The following LSS variants were observed in gnomAD, a reference collection of about 807,000 sequenced individuals.
LSS encodes 2,3-epoxysqualene-lanosterol cyclase.
LSS carries 90 observed loss-of-function variants against 110.3 expected under a neutral mutation model. The ratio of observed to expected loss-of-function variants is 0.82; its 90% CI spans 0.69 to 0.97. The LOEUF is 0.97. LSS is among the 50% of genes least tolerant of loss of function. LSS has a pLI of 0.00. For missense variants in LSS, 927 were observed against 990.0 expected (o/e 0.94, Z 0.85); for synonymous variants, 433 against 400.0 (o/e 1.08, Z -0.98).
At chr21:46,217,067 C>T (rs1329661111) in intron 6 of LSS, among the ~76,000 whole-genome samples, 2 of 151,700 alleles carry the variant, frequency 1.3e-5, no homozygotes, top group Non-Finnish European at 2.9e-5. Flanking sequence ...ACCAACATGG[C>T]GAAACCCCAT....
chr21:46,227,397 A>C (rs1010225854), intron 3 of LSS, 155 bp downstream of exon 3: 31 of 858,488 alleles, frequency 3.6e-5, no homozygotes, highest in African/African-American at 1.4e-4. Flanking sequence ...GACCAATAGC[A>C]GGACGACTCT....
In LSS at chr21:46,211,734, A is replaced by G. The variant is rs538864978; in HGVS notation, c.1138-990T>C. Among the ~76,000 whole-genome samples the G allele has an allele frequency of 3.3e-4, 50 of 152,308 alleles. No individual in the cohort carries two copies. The South Asian group carries it at 1.0e-2, about 30-fold the overall frequency. On this transcript the variant is annotated intron_variant, in intron 11 of 21. Transcript: ENST00000397728. ...TGGGATCGAGCCTCAGGGCCTGGCC[A>G]GTTTACAAAAACTCAGGGAACATAA...
chr21:46,214,637 C>T (rs2080176277), intron 9 of LSS, among the ~76,000 whole-genome samples: 1 of 152,154 alleles, frequency 6.6e-6, no homozygotes, highest in African/African-American at 2.4e-5. Flanking sequence ...AGGAGGCGGC[C>T]ACGCACCAGC....
At chr21:46,222,136 G>T in intron 4 of LSS, 161 bp from the exon 5 acceptor site, 2 of 704,314 alleles carry the variant, frequency 2.8e-6, no homozygotes, top group African/African-American at 1.8e-5. Context: ...CCACTCTGCA[G>T]TACGAATTCA....
At chr21:46,223,906 C>G (rs1027155566) in intron 3 of LSS, among the ~76,000 whole-genome samples, 1 of 152,182 alleles carries the variant, frequency 6.6e-6, no homozygotes, top group Non-Finnish European at 1.5e-5. Flanking sequence ...ACAACACCCG[C>G]TACTTAGCAG....
chr21:46,228,410 T>C (rs1435049133), intron 2 of LSS, 24 bp downstream of exon 2: 3 of 1,598,644 alleles, frequency 1.9e-6, no homozygotes, highest in East Asian at 2.2e-5. Flanking sequence ...CCGAGCTCGC[T>C]GACGCTCCGC....
At position 46,196,261 on chromosome 21, in the gene LSS, G is replaced by A. The variant is rs2079909149; in HGVS notation, c.1677C>T (p.Thr559=). Residue 559 remains threonine (T), a synonymous_variant, in exon 18 of 22, where the codon ACC becomes ACT. Transcript: ENST00000397728. Reference sequence around the variant, plus strand: ...GACAGAACTCTAAGCCCTGCGTGAGGGTCTCCCTGGAACACGAGATTGGTC... The same window carrying A: ...GACAGAACTCTAAGCCCTGCGTGAGAGTCTCCCTGGAACACGAGATTGGTC... ...PEHRAAEIRE[T]LTQGLEFCRR... is the part of the protein sequence containing the mutation. 6.2e-7 allele frequency: 1 copy of A among 1,614,060 alleles called. No homozygotes were observed. The highest frequency in any genetic ancestry group is 8.5e-7 in the Non-Finnish European group (1 of 1,179,986).
chr21:46,192,713 CT>C (rs1569015141), intron 20 of LSS: 2 of 452,282 alleles, frequency 4.4e-6, no homozygotes, highest in Admixed American at 2.4e-5. Flanking sequence ...GTACGTATGT[CT>C]GTGTGTGGCA....
Position 46,206,486 on chromosome 21 carries a change from T to A in LSS, c.1564+186A>T, listed in dbSNP as rs1179450222. On this transcript the variant is annotated intron_variant, in intron 16 of 21. Transcript: ENST00000397728. ...TGCCCTCCTATCCACAACACAAGGA[T>A]CCTGCCACCCCGGGGGATGGAGGAG... Among the ~76,000 whole-genome samples, 4 of 152,242 alleles carry A rather than the reference T, an allele frequency of 2.6e-5. No individual in the cohort carries two copies. In the South Asian group the frequency reaches 8.3e-4, roughly 32 times the overall value.
At chr21:46,205,754 G>C in intron 17 of LSS, 82 bp downstream of exon 17, 1 of 1,095,950 alleles carries the variant, frequency 9.1e-7, no homozygotes. Flanking sequence ...TGGGCCACCA[G>C]GGCCGTGTCA....
chr21:46,196,406 C>T (rs1052400053), intron 17 of LSS, 139 bp from the exon 18 acceptor site: 6 of 687,018 alleles, frequency 8.7e-6, no homozygotes, highest in East Asian at 5.5e-5. Context: ...TTACACAGAC[C>T]GATGAGGGTT....
At position 46,209,353 on chromosome 21, in the gene LSS, AGCTGCCCC is replaced by A. The variant is rs1225079736; in HGVS notation, c.1266+193_1266+200del. Among the ~76,000 whole-genome samples, 3 of 151,040 alleles carry A rather than the reference AGCTGCCCC, an allele frequency of 2.0e-5. No individual in the cohort carries two copies. The highest frequency in any genetic ancestry group is 3.4e-3 in the Middle Eastern group (1 of 294). On this transcript the variant is annotated intron_variant, in intron 13 of 21. Transcript: ENST00000397728. The surrounding 1 kb of genome is among the most constrained non-coding windows in gnomAD (Gnocchi z 4.4). The stretch of plus-strand genomic sequence containing the variant: ...CCCCAGCACCCTGCAGGCCTCAGAG[AGCTGCCCC>A]AGGTGAGGCCAGCCCGAGGAGGACC...
At chr21:46,227,432 CT>C (rs1280311394) in intron 3 of LSS, 119 bp downstream of exon 3, 10 of 1,317,818 alleles carry the variant, frequency 7.6e-6, no homozygotes, top group Non-Finnish European at 9.3e-6. Context: ...TTTGCCAGCC[CT>C]TTTCTTGTGA....
chr21:46,211,164 T>C (rs2080126186), intron 11 of LSS, among the ~76,000 whole-genome samples: 1 of 152,154 alleles, frequency 6.6e-6, no homozygotes, highest in South Asian at 2.1e-4. Flanking sequence ...TCTCGCTCTG[T>C]TGCCCAGGCT....
chr21:46,228,480 C>A lies in LSS; in HGVS notation c.134G>T (p.Gly45Val). 6.2e-7 allele frequency: 1 copy of A among 1,603,372 alleles called. No homozygotes were observed. ...TWTYLQDERA[G>V]REQTGLEAYA... ...GGCTTCCAGGCCGGTCTGCTCGCGG[C>A]CGGCGCGCTCGTCCTGCAGGTAGGT... The change falls in exon 2 of 22, where the codon GGC becomes GTC. Residue 45 changes from glycine to valine, a missense_variant. Coordinates refer to ENST00000397728, the MANE Select transcript of LSS (RefSeq NM_002340.6).
intron 3 of LSS, chr21:46,225,495 C>T: frequency 4.7e-6 from 2 of 429,858 alleles, no homozygotes; most frequent in Non-Finnish European, 9.3e-6. Context: ...TCTACTCCTC[C>T]ACCTCTTGTG....
At chr21:46,224,949 C>G (rs1287656494) in intron 3 of LSS, 2 of 152,458 alleles carry the variant, frequency 1.3e-5, no homozygotes, top group African/African-American at 2.4e-5. Flanking sequence ...AAACCTGTCT[C>G]TACCAAAAAT....
Position 46,213,799 on chromosome 21 carries a change from C to T in LSS, c.1048G>A (p.Val350Met), listed in dbSNP as rs1272249107. The T allele has an allele frequency of 1.9e-6, 3 of 1,613,976 alleles. No individual in the cohort carries two copies. Among genetic ancestry groups the T allele is most frequent in the Admixed American group, 1.7e-5 (1 of 59,996 alleles). The change falls in exon 10 of 22, where the codon GTG becomes ATG. Residue 350 changes from valine (V) to methionine (M), a missense_variant. Coordinates refer to ENST00000397728, the MANE Select transcript of LSS (RefSeq NM_002340.6). ...AAGGCAGTGGAGGCGGGCCCGTCCA[C>T]ATACCAGCGCACAAGCATGTTGATG... ...KTINMLVRWYVDGPASTAFQE... is the reference protein window; with the variant it reads ...KTINMLVRWYMDGPASTAFQE...
chr21:46,214,039 G>A (rs1485416760), intron 9 of LSS, among the ~76,000 whole-genome samples: 3 of 152,244 alleles, frequency 2.0e-5, no homozygotes, highest in South Asian at 2.1e-4. Context: ...AACTCAGACA[G>A]AGGCAGTGTC....
Sources: gnomAD v4.1 joint callset for allele counts (sites outside exome capture counted in the v4.1 genomes callset) on GRCh38, gnomAD v4.1.1 for gene constraint, Gnocchi (gnomAD v3.1) non-coding constraint, MANE v1.5 for transcripts, NCBI Gene and HGNC (gene_info 2026-07-23, HGNC 2026-07-21) for gene names.